Variants in AK8 observed in about 807,000 individuals in gnomAD.
AK8 encodes the protein adenylate kinase 8, also known as ATP-AMP transphosphorylase 8.
In AK8, 44 loss-of-function variants were observed where a neutral mutation model predicts 54.6. The ratio of observed to expected loss-of-function variants is 0.81; its 90% CI spans 0.63 to 1.04. The LOEUF (loss-of-function observed/expected upper bound fraction) is 1.04. Ranked by LOEUF, AK8 falls within the 50% of genes least tolerant of loss-of-function variation. The pLI, the probability that AK8 is intolerant of heterozygous loss-of-function variation, is 0.00. For synonymous variants in AK8, 239 were observed against 245.6 expected, an observed-to-expected ratio of 0.97 and a Z score of 0.25; for missense variants, 555 against 613.6, an observed-to-expected ratio of 0.90 and a Z score of 1.01.
intron 5 of AK8, among the ~76,000 whole-genome samples, chr9:132,845,689 G>A (rs896946054): frequency 3.3e-5 from 5 of 151,284 alleles, no homozygotes; most frequent in African/African-American, 9.7e-5. Context: ...GCTGAGGCAG[G>A]AGAATCGCCT....
At chr9:132,729,634 C>T (rs900502631) in intron 11 of AK8, among the ~76,000 whole-genome samples, 2 of 152,188 alleles carry the variant, frequency 1.3e-5, no homozygotes, top group Non-Finnish European at 2.9e-5. Context: ...TCGGACACAG[C>T]AGGAAGTTCC....
At chr9:132,830,850 CT>C (rs1470869555) in intron 5 of AK8, among the ~76,000 whole-genome samples, 17 of 152,344 alleles carry the variant, frequency 1.1e-4, no homozygotes, top group African/African-American at 4.1e-4. Flanking sequence ...ACCCTCCCCC[CT>C]GAAAAAGCTG....
intron 3 of AK8, among the ~76,000 whole-genome samples, chr9:132,865,144 AC>A (rs1326871387): frequency 6.6e-6 from 1 of 152,184 alleles, no homozygotes. Flanking sequence ...TAATTGTGAA[AC>A]AGCAAAATGG....
rs752662121 is a variant in AK8, at chr9:132,841,648, G to A, written c.403-12922C>T. On this transcript the variant is annotated intron_variant, in intron 5 of 12. Transcript: ENST00000298545. ...GCCACACTGACCTGGCCTGTGGGAC[G>A]TCAACCAAATTCCTTCCTCCATCTG... Among the ~76,000 whole-genome samples the A allele has an allele frequency of 5.3e-5, 8 of 152,282 alleles. 1 individual carries two copies. In the East Asian group the frequency reaches 5.8e-4, roughly 11 times the overall value.
intron 11 of AK8, among the ~76,000 whole-genome samples, chr9:132,789,266 C>G (rs1352237523): frequency 6.6e-6 from 1 of 151,480 alleles, no homozygotes; most frequent in Admixed American, 6.6e-5. Context: ...TGCACTCCAG[C>G]CTGGGAGACA....
At chr9:132,733,485 C>T (rs902234183) in intron 11 of AK8, among the ~76,000 whole-genome samples, 3 of 152,340 alleles carry the variant, frequency 2.0e-5, no homozygotes, top group Admixed American at 1.3e-4. Context: ...TTTAACCCAG[C>T]GTACCAAGAC....
intron 11 of AK8, among the ~76,000 whole-genome samples, chr9:132,766,673 CATTCCAA>C (rs1838737603): frequency 6.6e-6 from 1 of 151,930 alleles, no homozygotes; most frequent in Non-Finnish European, 1.5e-5. Flanking sequence ...AACTATGGAA[CATTCCAA>C]ATAGCCAAAA....
intron 4 of AK8, among the ~76,000 whole-genome samples, chr9:132,855,302 T>G (rs1002790863): frequency 6.6e-6 from 1 of 152,196 alleles, no homozygotes; most frequent in African/African-American, 2.4e-5. Flanking sequence ...GATGGAGAAC[T>G]CTGTCACTGC....
chr9:132,872,119 G>C (rs1332395509), intron 2 of AK8, among the ~76,000 whole-genome samples: 1 of 152,148 alleles, frequency 6.6e-6, no homozygotes, highest in South Asian at 2.1e-4. Flanking sequence ...AGGATCACTT[G>C]AGCCTAGGAG....
intron 10 of AK8, among the ~76,000 whole-genome samples, chr9:132,800,371 G>A (rs1368631704): frequency 6.6e-6 from 1 of 152,176 alleles, no homozygotes; most frequent in Non-Finnish European, 1.5e-5. Context: ...AGTGAACGCC[G>A]CCAGCAACGC....
intron 11 of AK8, among the ~76,000 whole-genome samples, chr9:132,757,284 T>TC (rs1838236195): frequency 6.7e-6 from 1 of 149,226 alleles, no homozygotes; most frequent in Non-Finnish European, 1.5e-5. Flanking sequence ...TAGGATGGGC[T>TC]CCCCCCGTCA....
chr9:132,797,357 A>G (rs1840222609), intron 10 of AK8, among the ~76,000 whole-genome samples: 1 of 152,168 alleles, frequency 6.6e-6, no homozygotes, highest in South Asian at 2.1e-4. Flanking sequence ...AAACCCAGGA[A>G]GTTCTTTAGT....
chr9:132,863,873 G>T, intron 3 of AK8, 95 bp from the exon 4 acceptor site: 2 of 983,872 alleles, frequency 2.0e-6, no homozygotes, highest in South Asian at 1.6e-5. Context: ...TCTCCTATGG[G>T]AAAAGGTTGG....
At chr9:132,756,327 C>T (rs963272062) in intron 11 of AK8, among the ~76,000 whole-genome samples, 1 of 152,228 alleles carries the variant, frequency 6.6e-6, no homozygotes, top group African/African-American at 2.4e-5. Flanking sequence ...CTGCCTTCTG[C>T]AGTGTCTGGG....
intron 3 of AK8, among the ~76,000 whole-genome samples, chr9:132,865,564 G>C (rs1430997204): frequency 6.6e-6 from 1 of 152,176 alleles, no homozygotes; most frequent in Non-Finnish European, 1.5e-5. Flanking sequence ...GCTCACGCCT[G>C]TAATCCCAGC....
chr9:132,789,890 G>A (rs1471500075), intron 11 of AK8, among the ~76,000 whole-genome samples: 2 of 152,140 alleles, frequency 1.3e-5, no homozygotes, highest in Non-Finnish European at 2.9e-5. Flanking sequence ...TTAAGGGTTT[G>A]TGTGATTATT....
intron 11 of AK8, among the ~76,000 whole-genome samples, chr9:132,767,961 G>T (rs1838792455): frequency 6.6e-6 from 1 of 152,222 alleles, no homozygotes; most frequent in South Asian, 2.1e-4. Flanking sequence ...GGAGGGGCCA[G>T]GGGAGGTGAA....
At chr9:132,818,303 A>G (rs1366264802) in intron 9 of AK8, among the ~76,000 whole-genome samples, 1 of 152,210 alleles carries the variant, frequency 6.6e-6, no homozygotes, top group Admixed American at 6.5e-5. Flanking sequence ...GTGGGTACAT[A>G]TAAAAGTCTC....
intron 5 of AK8, among the ~76,000 whole-genome samples, chr9:132,848,263 A>G (rs1044210864): frequency 6.6e-6 from 1 of 152,158 alleles, no homozygotes; most frequent in Non-Finnish European, 1.5e-5. Flanking sequence ...TAAGGCACAC[A>G]GCATTTTGTA....
Sources: gnomAD v4.1 joint callset for allele counts (sites outside exome capture counted in the v4.1 genomes callset) on GRCh38, gnomAD v4.1.1 for gene constraint, MANE v1.5 for transcripts, NCBI Gene and HGNC (gene_info 2026-07-23, HGNC 2026-07-21) for gene names.